GADL1: variants seen among roughly 807,000 people sequenced by gnomAD.
The protein encoded by GADL1 is GAD like acidic amino acid decarboxylase 1, also known as acidic amino acid decarboxylase GADL1.
In GADL1, 71 loss-of-function variants were observed where a neutral mutation model predicts 69.5. The ratio of observed to expected loss-of-function variants is 1.02; its 90% CI spans 0.84 to 1.25. The LOEUF is 1.25. GADL1 is among the 50% of genes most tolerant of loss of function. The pLI, the probability that GADL1 is intolerant of heterozygous loss-of-function variation, is 0.00. For missense variants in GADL1, 737 were observed against 631.8 expected (o/e 1.17, Z -1.79); for synonymous variants, 254 against 214.4 (o/e 1.18, Z -1.62).
chr3:30,842,843 A>AAG, intron 8 of GADL1, among the ~76,000 whole-genome samples: 1 of 150,488 alleles, frequency 6.6e-6, no homozygotes, highest in East Asian at 1.9e-4. Flanking sequence ...AAAAAAAAAA[A>AAG]GTAGGACACA....
intron 11 of GADL1, among the ~76,000 whole-genome samples, chr3:30,817,319 T>C (rs1169462435): frequency 6.6e-6 from 1 of 152,196 alleles, no homozygotes; most frequent in Non-Finnish European, 1.5e-5. Context: ...GTAAATCCAA[T>C]ATCAGATTCT....
At chr3:30,777,939 T>G (rs145356263) in intron 14 of GADL1, among the ~76,000 whole-genome samples, 1 of 152,338 alleles carries the variant, frequency 6.6e-6, no homozygotes, top group East Asian at 1.9e-4. Flanking sequence ...AAGTACACTG[T>G]GAGCCAGAAC....
At chr3:30,755,446 AG>A (rs1288320154) in intron 14 of GADL1, among the ~76,000 whole-genome samples, 3 of 152,224 alleles carry the variant, frequency 2.0e-5, no homozygotes, top group African/African-American at 7.2e-5. Flanking sequence ...ATAAATACAA[AG>A]ATTATTCACA....
intron 14 of GADL1, among the ~76,000 whole-genome samples, chr3:30,755,664 G>C (rs904400938): frequency 6.6e-6 from 1 of 152,130 alleles, no homozygotes; most frequent in African/African-American, 2.4e-5. Context: ...TCCCCTGTTA[G>C]ACTATAAACT....
rs562954463 is a variant in GADL1 at position 30,736,885 on chromosome 3, T to C, written c.1393-8470A>G. On this transcript the variant is annotated intron_variant, in intron 14 of 14. Coordinates refer to ENST00000282538, the MANE Select transcript of GADL1 (RefSeq NM_207359.3). ...TTATTATATTCTAGAAATTTCTATC[T>C]GTTGCATAAGTTGTTAGAATACAAA... Among the ~76,000 whole-genome samples, 6 of 152,332 alleles carry C rather than the reference T, an allele frequency of 3.9e-5. No individual in the cohort carries two copies. The South Asian group carries it at 1.2e-3, about 32-fold the overall frequency.
intron 14 of GADL1, among the ~76,000 whole-genome samples, chr3:30,747,037 G>A (rs1695717404): frequency 6.6e-6 from 1 of 152,134 alleles, no homozygotes; most frequent in Admixed American, 6.5e-5. Flanking sequence ...AATTATAGCA[G>A]ACATATAGGG....
intron 14 of GADL1, among the ~76,000 whole-genome samples, chr3:30,729,096 C>A (rs1695414544): frequency 6.6e-6 from 1 of 152,050 alleles, no homozygotes; most frequent in Non-Finnish European, 1.5e-5. Context: ...TTAGGAAGCA[C>A]ATATTTTAAA....
intron 11 of GADL1, among the ~76,000 whole-genome samples, chr3:30,829,555 A>C (rs945886143): frequency 1.3e-5 from 2 of 151,922 alleles, no homozygotes; most frequent in Admixed American, 1.3e-4. Context: ...TAGGCAATAG[A>C]GCTTATCAAC....
intron 14 of GADL1, among the ~76,000 whole-genome samples, chr3:30,756,636 C>T (rs1482132959): frequency 6.6e-6 from 1 of 152,174 alleles, no homozygotes; most frequent in East Asian, 1.9e-4. Flanking sequence ...AATACATTTG[C>T]TCTCGGAACA....
rs372525283 is a variant in GADL1, at chr3:30,835,202, C to G, written c.904-921G>C. 2.6e-5 allele frequency among the ~76,000 whole-genome samples: 4 copies of G among 152,024 alleles called. No individual in the cohort carries two copies. The East Asian group carries it at 7.8e-4, about 29-fold the overall frequency. On this transcript the variant is annotated intron_variant, in intron 9 of 14. Coordinates refer to ENST00000282538, the MANE Select transcript of GADL1 (RefSeq NM_207359.3). ...GATCTGAGATTCAAAGCCCATTCTC[C>G]TGTCATGTTAACATCATTACTTAAG...
chr3:30,835,703 A>G (rs1697862101), intron 9 of GADL1, among the ~76,000 whole-genome samples: 1 of 152,094 alleles, frequency 6.6e-6, no homozygotes, highest in Admixed American at 6.6e-5. Flanking sequence ...TATTAGCACC[A>G]GCCTTGTCCC....
At chr3:30,873,385 G>C (rs1698521741) in intron 1 of GADL1, among the ~76,000 whole-genome samples, 2 of 151,890 alleles carry the variant, frequency 1.3e-5, no homozygotes, top group Admixed American at 1.3e-4. Flanking sequence ...TAGAGAAAGA[G>C]AATTGCCCAA....
chr3:30,826,711 C>T (rs188008734), intron 11 of GADL1, among the ~76,000 whole-genome samples: 1 of 151,050 alleles, frequency 6.6e-6, no homozygotes, highest in Admixed American at 6.6e-5. Flanking sequence ...CAAGAGAGGA[C>T]CCAGGGAGCC....
chr3:30,775,595 A>G (rs1197603582), intron 14 of GADL1, among the ~76,000 whole-genome samples: 1 of 152,196 alleles, frequency 6.6e-6, no homozygotes, highest in Non-Finnish European at 1.5e-5. Flanking sequence ...AGTAGCAACT[A>G]TAACAAATGA....
At chr3:30,778,904 A>AAATGTCC (rs1429831761) in intron 13 of GADL1, 3 of 152,202 alleles carry the variant, frequency 2.0e-5, no homozygotes, top group Non-Finnish European at 4.4e-5. Flanking sequence ...CCTATGTTCA[A>AAATGTCC]AATGTCCAAT....
At chr3:30,762,825 TGAA>T (rs1696172399) in intron 14 of GADL1, among the ~76,000 whole-genome samples, 1 of 144,622 alleles carries the variant, frequency 6.9e-6, no homozygotes, top group African/African-American at 2.6e-5. Flanking sequence ...CACAGATAAC[TGAA>T]AACATGTGAT....
chr3:30,797,859 T>A (rs1697077193), intron 12 of GADL1: 1 of 152,164 alleles, frequency 6.6e-6, no homozygotes, highest in African/African-American at 2.4e-5. Context: ...AATGTTTGAA[T>A]GTTTAACACC....
chr3:30,763,329 T>A (rs1160448807), intron 14 of GADL1, among the ~76,000 whole-genome samples: 1 of 151,886 alleles, frequency 6.6e-6, no homozygotes, highest in African/African-American at 2.4e-5. Context: ...AAACCCCCTG[T>A]CGCTACTAAA....
At chr3:30,784,788 T>G (rs1453699699) in intron 13 of GADL1, among the ~76,000 whole-genome samples, 1 of 152,214 alleles carries the variant, frequency 6.6e-6, no homozygotes, top group Non-Finnish European at 1.5e-5. Context: ...ACATCTCCAG[T>G]GACTACATTC....
Sources: allele counts gnomAD v4.1 joint callset (sites outside exome capture counted in the v4.1 genomes callset), GRCh38; gene constraint gnomAD v4.1.1; transcripts MANE v1.5; gene names NCBI Gene and HGNC (gene_info 2026-07-23, HGNC 2026-07-21).